The following TMEM44 variants were observed in gnomAD, a reference collection of about 807,000 sequenced individuals.
TMEM44 encodes transmembrane protein 44.
TMEM44 carries 43 observed loss-of-function variants against 47.8 expected under a neutral mutation model. The observed-to-expected ratio is 0.90, with a 90% CI of 0.70 to 1.16. The LOEUF (loss-of-function observed/expected upper bound fraction) is 1.16. TMEM44 is among the 50% of genes most tolerant of loss of function. The pLI is 0.00. For missense variants in TMEM44, 568 were observed against 555.2 expected (o/e 1.02, Z -0.23); for synonymous variants, 277 against 238.8 (o/e 1.16, Z -1.48).
chr3:194,588,563 G>A lies in TMEM44; in HGVS notation c.1253C>T (p.Ser418Phe). 1 of 1,614,202 alleles carries A rather than the reference G, an allele frequency of 6.2e-7. No individual in the cohort carries two copies. The highest frequency in any genetic ancestry group is 1.1e-5 in the South Asian group (1 of 91,084). ...ELLGSQVHQD[S>F]VRTAHLSDDD ...ATCACTCAGGTGTGCTGTCCTCACAGAGTCCTGGTGCACCTGGGATCCCAG... is the reference window on the plus strand; with the variant it reads ...ATCACTCAGGTGTGCTGTCCTCACAAAGTCCTGGTGCACCTGGGATCCCAG... Residue 418 changes from serine to phenylalanine, a missense_variant, in exon 10 of 10, where the codon TCT (serine) becomes TTT (phenylalanine). Transcript: ENST00000347147.
intron 9 of TMEM44, among the ~76,000 whole-genome samples, chr3:194,593,688 T>C (rs1713032263): frequency 6.6e-6 from 1 of 152,184 alleles, no homozygotes; most frequent in Non-Finnish European, 1.5e-5. Flanking sequence ...ATCTGTTACA[T>C]TGATCTGGGA....
At chr3:194,631,067 C>T (rs894975057) in intron 1 of TMEM44, among the ~76,000 whole-genome samples, 10 of 148,346 alleles carry the variant, frequency 6.7e-5, no homozygotes, top group Non-Finnish European at 1.3e-4. Flanking sequence ...TGAAATAATA[C>T]GTTGTCGCAC....
intron 8 of TMEM44, among the ~76,000 whole-genome samples, chr3:194,604,928 A>G (rs566239735): frequency 6.6e-5 from 10 of 152,382 alleles, no homozygotes; most frequent in African/African-American, 2.2e-4. Flanking sequence ...ATTTCAGAGT[A>G]AAGGATAAAT....
chr3:194,603,495 T>C (rs1171617505), intron 9 of TMEM44, among the ~76,000 whole-genome samples: 3 of 152,162 alleles, frequency 2.0e-5, no homozygotes, highest in Non-Finnish European at 4.4e-5. Context: ...CCTCCCGGGT[T>C]CAAGTGATTC....
intron 5 of TMEM44, 116 bp from the exon 6 acceptor site, chr3:194,617,385 G>A: frequency 8.5e-7 from 1 of 1,180,020 alleles, no homozygotes; most frequent in Non-Finnish European, 1.2e-6. Context: ...GTCCTCCAGG[G>A]CAATGCTTCT....
At chr3:194,624,516 T>A (rs574907391) in intron 3 of TMEM44, among the ~76,000 whole-genome samples, 1 of 152,222 alleles carries the variant, frequency 6.6e-6, no homozygotes, top group South Asian at 2.1e-4. Flanking sequence ...CCTCCTGGGC[T>A]CAAGTGATCC....
At chr3:194,595,591 G>C (rs1657401895) in intron 9 of TMEM44, among the ~76,000 whole-genome samples, 1 of 150,580 alleles carries the variant, frequency 6.6e-6, no homozygotes, top group African/African-American at 2.4e-5. Flanking sequence ...TTTTAAGACT[G>C]GCCAGACATA....
At chr3:194,596,022 TAGG>T (rs1309243376) in intron 9 of TMEM44, among the ~76,000 whole-genome samples, 3 of 151,910 alleles carry the variant, frequency 2.0e-5, no homozygotes, top group Admixed American at 6.6e-5. Context: ...CAGCGAAAGG[TAGG>T]AGAAGACAGA....
rs906935858 is a variant in TMEM44 at position 194,600,007 on chromosome 3, G to A, written c.1176+4280C>T. ...ACTCCTGACCTCAGGTAATCCACCC[G>A]CCTCAGCCTCCCAAAGTGCTGGGAT... On this transcript the variant is annotated intron_variant, in intron 9 of 9. Transcript: ENST00000347147. Among the ~76,000 whole-genome samples the A allele has an allele frequency of 7.2e-5, 11 of 152,142 alleles. No homozygotes were observed. In the East Asian group the frequency reaches 1.2e-3, roughly 16 times the overall value.
rs768983651 is a variant in TMEM44, at chr3:194,623,670, C to T, written c.384G>A (p.Arg128=). 3.8e-5 allele frequency: 61 copies of T among 1,613,750 alleles called. No homozygotes were observed. The South Asian group carries it at 5.7e-4, about 15-fold the overall frequency. The stretch of plus-strand genomic sequence containing the variant: ...ACACACTGGCCCTGAGCTGCCGCCT[C>T]CTCTTCCTCTCTCGGGCTTCCCGAT... The part of the protein sequence containing the change: ...NSDREARERK[R]RRQLRASVFA... The change falls in exon 4 of 10, where the codon AGG becomes AGA. Residue 128 remains arginine (R), a synonymous_variant. Coordinates refer to ENST00000347147, the MANE Select transcript of TMEM44 (RefSeq NM_001011655.3).
intron 9 of TMEM44, among the ~76,000 whole-genome samples, chr3:194,600,408 C>T (rs1464377868): frequency 6.7e-6 from 1 of 150,366 alleles, no homozygotes; most frequent in Admixed American, 6.6e-5. Flanking sequence ...GCTGGGATTA[C>T]AGGCGTGAGC....
At chr3:194,603,290 G>A (rs769365513) in intron 9 of TMEM44, among the ~76,000 whole-genome samples, 2 of 152,254 alleles carry the variant, frequency 1.3e-5, no homozygotes, top group African/African-American at 4.8e-5. Flanking sequence ...GTCAGCCGTG[G>A]TGCCCACGAC....
intron 1 of TMEM44, among the ~76,000 whole-genome samples, 189 bp from the exon 2 acceptor site, chr3:194,628,698 T>C (rs1413265849): frequency 1.3e-5 from 2 of 152,188 alleles, no homozygotes; most frequent in Admixed American, 1.3e-4. Context: ...CCTGTCCAGA[T>C]GCCCATGGCA....
At position 194,615,696 on chromosome 3, in the gene TMEM44, A is replaced by G; in HGVS notation, c.785T>C (p.Ile262Thr). The change falls in exon 7 of 10, where the codon ATT becomes ACT. Residue 262 changes from isoleucine (I) to threonine (T), a missense_variant and splice_region_variant. Transcript: ENST00000347147. ...SLGRAALDLA[I>T]IFLSCVMKSK... ...CTTCATCACACACGAAAGGAAAATA[A>G]TCTGAGATGGTGTAAGTTAAGGTAG... is the stretch of plus-strand genomic sequence containing the variant. 1.9e-6 allele frequency: 3 copies of G among 1,613,810 alleles called. No individual in the cohort carries two copies. Among genetic ancestry groups the G allele is most frequent in the Non-Finnish European group, 2.5e-6 (3 of 1,179,806 alleles).
intron 9 of TMEM44, among the ~76,000 whole-genome samples, chr3:194,601,902 T>C (rs1037266581): frequency 2.0e-5 from 3 of 152,224 alleles, no homozygotes; most frequent in African/African-American, 7.2e-5. Context: ...TTACCTCAAC[T>C]GAGGGTGGGC....
chr3:194,615,388 T>C (rs1028894326), intron 7 of TMEM44, among the ~76,000 whole-genome samples, 181 bp downstream of exon 7: 1 of 152,118 alleles, frequency 6.6e-6, no homozygotes, highest in Admixed American at 6.5e-5. Context: ...GCCCGTTACA[T>C]GTCATGTGTT....
chr3:194,598,626 G>A (rs1394945196), intron 9 of TMEM44, among the ~76,000 whole-genome samples: 1 of 152,172 alleles, frequency 6.6e-6, no homozygotes, highest in Non-Finnish European at 1.5e-5. Context: ...GTCACTGTTC[G>A]CAGTGAGCAC....
At chr3:194,615,077 C>A (rs1402357489) in intron 7 of TMEM44, among the ~76,000 whole-genome samples, 2 of 151,970 alleles carry the variant, frequency 1.3e-5, no homozygotes, top group East Asian at 3.9e-4. Context: ...TCTGTCTCTA[C>A]TAAAAATACA....
chr3:194,619,493 A>G (rs1166914317), intron 5 of TMEM44, among the ~76,000 whole-genome samples: 1 of 152,170 alleles, frequency 6.6e-6, no homozygotes, highest in Non-Finnish European at 1.5e-5. Context: ...TGGTCTCTGC[A>G]GCTGCCAGGA....
Sources: allele counts gnomAD v4.1 joint callset (sites outside exome capture counted in the v4.1 genomes callset), GRCh38; gene constraint gnomAD v4.1.1; transcripts MANE v1.5; gene names NCBI Gene and HGNC (gene_info 2026-07-23, HGNC 2026-07-21).